WDR41: variants seen among roughly 807,000 people sequenced by gnomAD.
The protein encoded by WDR41 is WD repeat-containing protein 41.
In WDR41, 63 loss-of-function variants were observed where a neutral mutation model predicts 69.3. That is an observed-to-expected ratio of 0.91 (90% CI 0.74 to 1.12). The LOEUF is 1.12. Among genes scored for constraint, WDR41 ranks in the 50% most tolerant of loss-of-function variants. The pLI is 0.00. For synonymous variants in WDR41, 185 were observed against 192.1 expected (o/e 0.96, Z 0.31); for missense variants, 543 against 534.5 (o/e 1.02, Z -0.16).
intron 1 of WDR41, among the ~76,000 whole-genome samples, chr5:77,518,798 T>G (rs1802330489): frequency 6.6e-6 from 1 of 152,086 alleles, no homozygotes; most frequent in Non-Finnish European, 1.5e-5. Flanking sequence ...GGATACTACT[T>G]TCAGAATCCA....
At chr5:77,488,589 G>A (rs1801624556) in intron 2 of WDR41, among the ~76,000 whole-genome samples, 1 of 152,048 alleles carries the variant, frequency 6.6e-6, no homozygotes, top group South Asian at 2.1e-4. Context: ...AATTAGAGAT[G>A]AAAGTGGAAA....
intron 1 of WDR41, among the ~76,000 whole-genome samples, chr5:77,523,983 T>G (rs990389447): frequency 6.6e-6 from 1 of 152,190 alleles, no homozygotes; most frequent in Non-Finnish European, 1.5e-5. Context: ...TATCTTCCCT[T>G]TAATAAGAAA....
intron 2 of WDR41, among the ~76,000 whole-genome samples, chr5:77,468,228 G>A (rs901770518): frequency 6.6e-6 from 1 of 151,982 alleles, no homozygotes; most frequent in Non-Finnish European, 1.5e-5. Flanking sequence ...AAGTCACTCG[G>A]TAATTCAATA....
chr5:77,469,820 A>T (rs68149334), intron 2 of WDR41, among the ~76,000 whole-genome samples: 50,294 of 151,944 alleles, frequency 0.33, 8,411 homozygotes, highest in East Asian at 0.35. Flanking sequence ...ACTGAAAGTG[A>T]CAGGGAGAAT....
intron 1 of WDR41, among the ~76,000 whole-genome samples, chr5:77,615,427 GAATT>G (rs933361587): frequency 4.6e-5 from 7 of 152,036 alleles, no homozygotes; most frequent in East Asian, 1.9e-4. Context: ...GAAAAAGAAT[GAATT>G]AAGTAAATAG....
intron 2 of WDR41, among the ~76,000 whole-genome samples, chr5:77,476,144 C>T (rs574246631): frequency 8.6e-4 from 131 of 152,042 alleles, no homozygotes; most frequent in African/African-American, 2.9e-3. Flanking sequence ...AAAGAAATGA[C>T]CAAAGCCTCC....
chr5:77,556,521 C>T (rs1289544997), intron 1 of WDR41, among the ~76,000 whole-genome samples: 2 of 152,096 alleles, frequency 1.3e-5, no homozygotes, highest in African/African-American at 2.4e-5. Context: ...AATTCTCCTA[C>T]GTGTAGCCCC....
chr5:77,438,189 TG>T (rs1354835618), intron 10 of WDR41, 50 bp downstream of exon 10: 3 of 1,610,796 alleles, frequency 1.9e-6, no homozygotes, highest in Non-Finnish European at 1.7e-6. Flanking sequence ...CTGGTAGCCC[TG>T]GGAACTGTGA....
intron 1 of WDR41, among the ~76,000 whole-genome samples, chr5:77,542,243 G>C (rs796937134): frequency 2.0e-5 from 3 of 152,148 alleles, no homozygotes; most frequent in East Asian, 3.9e-4. Flanking sequence ...ACACATGGGG[G>C]AGAAGAACAA....
chr5:77,460,208 C>T lies in WDR41; in HGVS notation c.349-1084G>A, dbSNP rs935443568. Among the ~76,000 whole-genome samples, 4 of 152,272 alleles carry T rather than the reference C, an allele frequency of 2.6e-5. No individual in the cohort carries two copies. The East Asian group carries it at 7.7e-4, about 29-fold the overall frequency. ...AAAGTACAGTTTCTACTTAATGCACCTCCCTTTCACACCATCATAAAGTTG... is the reference window on the plus strand; with the variant it reads ...AAAGTACAGTTTCTACTTAATGCACTTCCCTTTCACACCATCATAAAGTTG... On this transcript the variant is annotated intron_variant, in intron 4 of 12. Coordinates refer to ENST00000296679, the MANE Select transcript of WDR41 (RefSeq NM_018268.4).
At chr5:77,509,624 T>C (rs1391992434) in intron 1 of WDR41, among the ~76,000 whole-genome samples, 5 of 152,166 alleles carry the variant, frequency 3.3e-5, no homozygotes, top group Non-Finnish European at 7.4e-5. Context: ...ATTTCATTCA[T>C]ATGAAAGTCC....
In WDR41 at chr5:77,571,538, A is replaced by G. The variant is rs1743732401; in HGVS notation, c.42+48941T>C. On this transcript the variant is annotated intron_variant, in intron 1 of 5. Coordinates refer to the WDR41 transcript ENST00000509971. ...GCTGCACTCCCAAGTTTCCTCAGCT[A>G]GCCTCAAGCATAACACTGCATTCAC... 2.0e-5 allele frequency among the ~76,000 whole-genome samples: 3 copies of G among 152,190 alleles called. No homozygotes were observed. In the South Asian group the frequency reaches 6.2e-4, roughly 32 times the overall value.
At chr5:77,589,603 T>C (rs1017928809) in intron 1 of WDR41, among the ~76,000 whole-genome samples, 1 of 152,172 alleles carries the variant, frequency 6.6e-6, no homozygotes, top group Non-Finnish European at 1.5e-5. Flanking sequence ...TCTTAGGATA[T>C]ATTCCTAAGT....
intron 1 of WDR41, chr5:77,491,156 G>C (rs564929239): frequency 6.0e-4 from 244 of 405,378 alleles, no homozygotes; most frequent in African/African-American, 4.8e-3. Context: ...CCACAAAAGT[G>C]AAAATGGCCG....
At chr5:77,477,384 C>T (rs1204280290) in intron 2 of WDR41, among the ~76,000 whole-genome samples, 4 of 128,408 alleles carry the variant, frequency 3.1e-5, no homozygotes, top group Non-Finnish European at 6.3e-5. Flanking sequence ...GTTTTCAGCA[C>T]CACACCACAC....
At position 77,433,152 on chromosome 5, in the gene WDR41, A is replaced by C. The variant is rs1209487176; in HGVS notation, c.1363T>G (p.Leu455Val). 5 of 1,613,340 alleles carry C rather than the reference A, an allele frequency of 3.1e-6. No individual in the cohort carries two copies. In the East Asian group the frequency reaches 1.1e-4, roughly 36 times the overall value. The change falls in exon 13 of 13, where the codon TTA becomes GTA. Residue 455 changes from leucine (L) to valine (V), a missense_variant. By Grantham distance (32) the Leu-to-Val change is conservative (BLOSUM62 1). Transcript: ENST00000296679. ...TCCTTAAACTAGACAGCAAGGTATA[A>C]GTCACCATTCTCCTCTAATTTTTGA... The part of the protein sequence containing the change: ...LFQKLEENGD[L>V]YLAV
At chr5:77,433,766 C>T (rs1798823220) in intron 12 of WDR41, among the ~76,000 whole-genome samples, 1 of 152,040 alleles carries the variant, frequency 6.6e-6, no homozygotes. Flanking sequence ...ATAATTGAAA[C>T]AATAAAGGTA....
chr5:77,452,299 GGA>G (rs1400226457), intron 6 of WDR41: 1 of 152,188 alleles, frequency 6.6e-6, no homozygotes, highest in Non-Finnish European at 1.5e-5. Context: ...ACAGCAGGGT[GGA>G]TAGCAAGAGA....
chr5:77,448,174 C>T (rs1011262728), intron 8 of WDR41, among the ~76,000 whole-genome samples: 21 of 152,168 alleles, frequency 1.4e-4, no homozygotes, highest in Middle Eastern at 3.4e-3. Context: ...TAAGCATGAC[C>T]GGTGTAATGG....
Sources: gnomAD v4.1 joint callset for allele counts (sites outside exome capture counted in the v4.1 genomes callset) on GRCh38, gnomAD v4.1.1 for gene constraint, MANE v1.5 for transcripts, NCBI Gene and HGNC (gene_info 2026-07-23, HGNC 2026-07-21) for gene names.